Variants in ETNK2 observed in about 807,000 individuals in gnomAD.
ETNK2 encodes ethanolamine kinase-like protein.
ETNK2 carries 33 observed loss-of-function variants against 46.2 expected under a neutral mutation model. The ratio of observed to expected loss-of-function variants is 0.71; its 90% confidence interval spans 0.54 to 0.96. ETNK2 has a LOEUF of 0.96. Ranked by LOEUF, ETNK2 falls within the 40% of genes least tolerant of loss-of-function variation. The pLI, the probability that ETNK2 is intolerant of heterozygous loss-of-function variation, is 0.00. For synonymous variants in ETNK2, 194 were observed against 209.0 expected (o/e 0.93, Z 0.62); for missense variants, 445 against 509.7 (o/e 0.87, Z 1.22).
intron 2 of ETNK2, 84 bp from the exon 3 acceptor site, chr1:204,146,848 C>A: frequency 6.4e-7 from 1 of 1,567,118 alleles, no homozygotes; most frequent in Non-Finnish European, 8.7e-7. Context: ...GATAGGGACC[C>A]TCCAGGCCCA....
At chr1:204,133,731 C>T (rs1189878518) in intron 7 of ETNK2, among the ~76,000 whole-genome samples, 2 of 152,040 alleles carry the variant, frequency 1.3e-5, no homozygotes, top group Non-Finnish European at 2.9e-5. Context: ...CGGGGTTTCA[C>T]CGTGTTAGCC....
At chr1:204,149,225 G>A (rs551871422) in intron 2 of ETNK2, among the ~76,000 whole-genome samples, 2 of 152,326 alleles carry the variant, frequency 1.3e-5, no homozygotes, top group East Asian at 3.9e-4. Flanking sequence ...AAGGAGCCAG[G>A]AAGGAGTTCA....
At chr1:204,134,416 G>T in intron 7 of ETNK2, 99 bp downstream of exon 7, 1 of 1,350,400 alleles carries the variant, frequency 7.4e-7, no homozygotes, top group Non-Finnish European at 1.0e-6. Flanking sequence ...GCAGGGGAGC[G>T]GACTCTGGGC....
chr1:204,138,530 C>T (rs1230735749), intron 5 of ETNK2: 1 of 152,358 alleles, frequency 6.6e-6, no homozygotes. Flanking sequence ...CACCCCGAGG[C>T]TCAGCTGCTC....
chr1:204,148,225 A>G (rs996798461), intron 2 of ETNK2, among the ~76,000 whole-genome samples: 1 of 151,276 alleles, frequency 6.6e-6, no homozygotes, highest in African/African-American at 2.4e-5. Context: ...TCCTACACCT[A>G]TCCCAATTTC....
chr1:204,132,749 TCAACTA>T (rs1280784561), intron 7 of ETNK2, among the ~76,000 whole-genome samples: 3 of 152,146 alleles, frequency 2.0e-5, no homozygotes, highest in African/African-American at 7.2e-5. Context: ...TTTTTTAACT[TCAACTA>T]CATTTTTTTT....
Position 204,137,139 on chromosome 1 carries a change from G to A in ETNK2, c.979C>T (p.Gln327Ter). ...KGMAVTPREV[Q>*]RLYVQVNKFA... ...TTGTTGACTTGCACGTAGAGCCTTT[G>A]CACCTCCCTGGGGGTCACGGCCATC... Residue 327 changes from glutamine to a stop codon, truncating the protein, a stop_gained, in exon 6 of 8, where the codon CAA becomes TAA. Transcript: ENST00000367202. LOFTEE classifies it high-confidence loss of function. 1 of 1,613,950 alleles carries A rather than the reference G, an allele frequency of 6.2e-7. No homozygotes were observed. Among genetic ancestry groups the A allele is most frequent in the Non-Finnish European group, 8.5e-7 (1 of 1,179,836 alleles).
intron 3 of ETNK2, 66 bp downstream of exon 3, chr1:204,146,576 G>A (rs1305136652): frequency 6.3e-7 from 1 of 1,596,426 alleles, no homozygotes; most frequent in Non-Finnish European, 8.6e-7. Context: ...AGGGTGGGCT[G>A]GAGCCAAAAG....
chr1:204,139,899 TAGAAAAGGTAC>T, intron 5 of ETNK2, 125 bp downstream of exon 5: 1 of 701,916 alleles, frequency 1.4e-6, no homozygotes. Context: ...TGTCTAAACA[TAGAAAAGGTAC>T]AGTAAAAATA....
intron 4 of ETNK2, chr1:204,141,019 T>C (rs1657503155): frequency 2.0e-5 from 9 of 442,468 alleles, no homozygotes; most frequent in South Asian, 1.8e-4. Flanking sequence ...AGAGACAGGG[T>C]CTCACCACAT....
In ETNK2 at chr1:204,132,240, A is replaced by G; in HGVS notation, c.1105T>C (p.Phe369Leu). The G allele has an allele frequency of 6.4e-7, 1 of 1,571,028 alleles. No individual in the cohort carries two copies. The highest frequency in any genetic ancestry group is 8.6e-7 in the Non-Finnish European group (1 of 1,157,708). Reference sequence around the variant, plus strand: ...GGCTTCACCTTGAAGTACTGGTTGAATCGGATCACTGCGTACCTGTGGGGA... The same window carrying G: ...GGCTTCACCTTGAAGTACTGGTTGAGTCGGATCACTGCGTACCTGTGGGGA... ...FDFLRYAVIR[F>L]NQYFKVKPQA... The change falls in exon 8 of 8, where the codon TTC (phenylalanine) becomes CTC (leucine). Residue 369 changes from phenylalanine to leucine, a missense_variant. Physicochemically the swap from Phe to Leu is conservative, Grantham distance 22 (BLOSUM62 0). Coordinates refer to ENST00000367202, the MANE Select transcript of ETNK2 (RefSeq NM_018208.4).
intron 3 of ETNK2, 90 bp from the exon 4 acceptor site, chr1:204,141,547 C>T: frequency 7.0e-7 from 1 of 1,419,032 alleles, no homozygotes; most frequent in South Asian, 1.3e-5. Flanking sequence ...CCTCATCACT[C>T]CCTCTGTCTT....
At chr1:204,134,436 G>A in intron 7 of ETNK2, 79 bp downstream of exon 7, 22 of 1,503,274 alleles carry the variant, frequency 1.5e-5, no homozygotes, top group Non-Finnish European at 2.0e-5. Context: ...CATTCTGCCT[G>A]GGCTGTCCTT....
chr1:204,145,521 C>A (rs1199226178), intron 3 of ETNK2, among the ~76,000 whole-genome samples: 1 of 152,144 alleles, frequency 6.6e-6, no homozygotes, highest in Non-Finnish European at 1.5e-5. Context: ...GTCCTTGTCC[C>A]AAAGAGAATA....
At position 204,136,484 on chromosome 1, in the gene ETNK2, C is replaced by T. The variant is rs141595898; in HGVS notation, c.1014+620G>A. Among the ~76,000 whole-genome samples, 367 of 149,976 alleles carry T rather than the reference C, an allele frequency of 2.4e-3. 2 individuals are homozygous for T. The highest frequency in any genetic ancestry group is 8.3e-3 in the African/African-American group (338 of 40,704). ...CAACACTTTGGGAGGCAGAGGCGGG[C>T]GAATCACCTGAGGTCAGGAGTTCAA... On this transcript the variant is annotated intron_variant, in intron 6 of 7. Coordinates refer to ENST00000367202, the MANE Select transcript of ETNK2 (RefSeq NM_018208.4).
chr1:204,151,801 T>C lies in ETNK2; in HGVS notation c.52A>G (p.Arg18Gly). 2 of 1,493,064 alleles carry C rather than the reference T, an allele frequency of 1.3e-6. No homozygotes were observed. The highest frequency in any genetic ancestry group is 2.5e-5 in the East Asian group (1 of 39,304). The allele number at this position is 1,493,064 out of a possible 1,614,324, so 92.5% of individuals were successfully genotyped here. A position where few individuals can be genotyped will look rare whatever the true frequency, so the allele number is the denominator to read the frequency against. The stretch of plus-strand genomic sequence containing the variant: ...GAGCACTGCGGGCAAGGCGTGTGCC[T>C]CCTCAGGTGAAAGGACGCGCGCGGC... ...PQPRASFHLR[R>G]HTPCPQCSWG... is the part of the protein sequence containing the mutation. The change falls in exon 1 of 8, where the codon AGG becomes GGG. Residue 18 changes from arginine (R) to glycine (G), a missense_variant. Transcript: ENST00000367202. This position sits in a 1 kb window ranked among gnomAD's most constrained non-coding sequence, Gnocchi z 8.0.
At chr1:204,144,368 A>AAAAAAAAAAAAAAAC (rs1657696111) in intron 3 of ETNK2, among the ~76,000 whole-genome samples, 2 of 149,602 alleles carry the variant, frequency 1.3e-5, no homozygotes, top group South Asian at 2.1e-4. Flanking sequence ...AAAAAAAAAA[A>AAAAAAAAAAAAAAAC]AGCCATTTCC....
intron 5 of ETNK2, among the ~76,000 whole-genome samples, chr1:204,137,743 T>C (rs574309232): frequency 4.6e-5 from 7 of 152,216 alleles, no homozygotes; most frequent in South Asian, 4.1e-4. Flanking sequence ...ATATCAAACA[T>C]GGCTTCCTGG....
At chr1:204,147,609 T>C (rs777236628) in intron 2 of ETNK2, 25 of 520,506 alleles carry the variant, frequency 4.8e-5, no homozygotes, top group African/African-American at 3.7e-4. Flanking sequence ...CCTTCCAACA[T>C]ACAGCCTCTG....
Sources: gnomAD v4.1 joint callset for allele counts (sites outside exome capture counted in the v4.1 genomes callset) on GRCh38, gnomAD v4.1.1 for gene constraint, Gnocchi (gnomAD v3.1) non-coding constraint, MANE v1.5 for transcripts, NCBI Gene and HGNC (gene_info 2026-07-23, HGNC 2026-07-21) for gene names.